Variants in RPL28 observed in about 807,000 individuals in gnomAD.
The protein encoded by RPL28 is ribosomal protein L28, also known as large ribosomal subunit protein eL28.
A neutral mutation model predicts 12.5 loss-of-function variants in RPL28; 4 were observed. The observed-to-expected ratio is 0.32, with a 90% confidence interval of 0.16 to 0.73. RPL28 has a LOEUF of 0.73. Ranked by LOEUF, RPL28 falls within the 30% of genes least tolerant of loss-of-function variation. The pLI is 0.66. For synonymous variants in RPL28, 91 were observed against 72.5 expected (o/e 1.26, Z -1.30); for missense variants, 214 against 197.7 (o/e 1.08, Z -0.49).
intron 4 of RPL28, chr19:55,401,401 G>C: frequency 6.9e-7 from 1 of 1,456,918 alleles, no homozygotes; most frequent in Admixed American, 1.8e-5. Flanking sequence ...GGACAGGAGA[G>C]GTTGGGGTCA....
chr19:55,389,921 G>T lies in RPL28; in HGVS notation c.*1589G>T. 2 of 985,458 alleles carry T rather than the reference G, an allele frequency of 2.0e-6. No individual in the cohort carries two copies. The highest frequency in any genetic ancestry group is 2.4e-6 in the Non-Finnish European group (2 of 829,996). 61.0% of individuals were successfully genotyped at this position (985,458 alleles called of 1,614,324 possible). On this transcript the variant is annotated 3_prime_UTR_variant, in exon 5 of 5. Transcript: ENST00000344063. The stretch of plus-strand genomic sequence containing the variant: ...CCCCCACTGTCCCAGTCCCACTCAG[G>T]CCCATCTCTGGCTGGCCTCACTGCG...
intron 3 of RPL28, 129 bp from the exon 4 acceptor site, chr19:55,387,801 G>A (rs1231053165): frequency 2.7e-5 from 39 of 1,466,744 alleles, no homozygotes; most frequent in Non-Finnish European, 3.3e-5. Flanking sequence ...CTACCTGCTG[G>A]CCTGCCCAGG....
In RPL28 at chr19:55,387,996, G is replaced by A. The variant is rs748790526; in HGVS notation, c.272G>A (p.Ser91Asn). 7 of 1,612,620 alleles carry A rather than the reference G, an allele frequency of 4.3e-6. No homozygotes were observed. In the South Asian group the frequency reaches 7.7e-5, roughly 18 times the overall value. Residue 91 changes from serine (S) to asparagine (N), a missense_variant, in exon 4 of 5, where the codon AGC becomes AAC. Transcript: ENST00000344063. ...TINKNARATL[S>N]SIRHMIRKNK... Reference sequence around the variant, plus strand: ...AACAAGAATGCTCGCGCCACGCTCAGCAGCATCAGACACATGATCCGCAAG... The same window carrying A: ...AACAAGAATGCTCGCGCCACGCTCAACAGCATCAGACACATGATCCGCAAG...
At position 55,390,707 on chromosome 19, in the gene RPL28, CTG is replaced by C; in HGVS notation, c.*2380_*2381del. 2.0e-6 allele frequency: 2 copies of C among 985,458 alleles called. No individual in the cohort carries two copies. Among genetic ancestry groups the C allele is most frequent in the Non-Finnish European group, 2.4e-6 (2 of 829,954 alleles). The allele number at this position is 985,458 out of a possible 1,614,324, so 61.0% of individuals were successfully genotyped here. ...CTGTTCCTGCGGGTGGCCAGCCTGTCTGTGTGGCTGGGCTGGGGAGGCCACGT... is the reference window on the plus strand; with the variant it reads ...CTGTTCCTGCGGGTGGCCAGCCTGTCTGTGGCTGGGCTGGGGAGGCCACGT... On this transcript the variant is annotated 3_prime_UTR_variant, in exon 5 of 5. Coordinates refer to ENST00000344063, the MANE Select transcript of RPL28 (RefSeq NM_000991.5).
chr19:55,402,911 T>C lies in RPL28; in HGVS notation c.325-32T>C, dbSNP rs902049616. On this transcript the variant is annotated intron_variant, in intron 4 of 4. Transcript: ENST00000560055. ...CTCTGCCATGTGCCCCAGGGACTCA[T>C]TAGAAATTTGGTTAACTTTTTTTTT... is the stretch of plus-strand genomic sequence containing the variant. The C allele has an allele frequency of 5.9e-6, 9 of 1,520,810 alleles. No homozygotes were observed. The Admixed American group carries it at 1.8e-4, about 31-fold the overall frequency. The allele number at this position is 1,520,810 out of a possible 1,614,324, so 94.2% of individuals were successfully genotyped here.
intron 3 of RPL28, chr19:55,387,344 A>T (rs1774769753): frequency 1.3e-6 from 2 of 1,551,668 alleles, no homozygotes; most frequent in Non-Finnish European, 8.7e-7. Flanking sequence ...CCTTTTACTC[A>T]GTGGCAGCAA....
chr19:55,393,131 G>T (rs943160799), downstream of RPL28, among the ~76,000 whole-genome samples: 1 of 141,586 alleles, frequency 7.1e-6, no homozygotes, highest in Non-Finnish European at 1.6e-5. Context: ...AGCTCCCACC[G>T]GCCTCCCACA....
chr19:55,387,577 C>T, intron 3 of RPL28: 1 of 1,417,992 alleles, frequency 7.1e-7, no homozygotes, highest in Non-Finnish European at 9.2e-7. Context: ...TGGGGATGGG[C>T]CTGGGGTTCC....
At chr19:55,392,186 C>G (rs1368097341), downstream of RPL28, 1 of 875,826 alleles carries the variant, frequency 1.1e-6, no homozygotes, top group Admixed American at 6.1e-5. Context: ...AAGTTAGCCA[C>G]CTGTGCTTCT....
At position 55,387,920 on chromosome 19, in the gene RPL28, C is replaced by T. The variant is rs1421343312; in HGVS notation, c.206-10C>T. 1.9e-6 allele frequency: 3 copies of T among 1,558,428 alleles called. No individual in the cohort carries two copies. Among genetic ancestry groups the T allele is most frequent in the East Asian group, 2.3e-5 (1 of 44,092 alleles). On this transcript the variant is annotated splice_polypyrimidine_tract_variant and intron_variant, in intron 3 of 4. Coordinates refer to ENST00000344063, the MANE Select transcript of RPL28 (RefSeq NM_000991.5). The stretch of plus-strand genomic sequence containing the variant: ...GGACTGACCCCAGGACCTCCCTGAC[C>T]CCCAACCAGGCCAGCGGAAGCCTGC...
At chr19:55,397,504 T>C (rs910453259) in intron 4 of RPL28, among the ~76,000 whole-genome samples, 12 of 152,112 alleles carry the variant, frequency 7.9e-5, no homozygotes, top group Non-Finnish European at 1.2e-4. Context: ...CTCAGCCTCC[T>C]GAGTAGCTGG....
chr19:55,386,739 T>A (rs1033597814), intron 3 of RPL28, 46 bp downstream of exon 3: 1 of 1,611,274 alleles, frequency 6.2e-7, no homozygotes, highest in Non-Finnish European at 8.5e-7. Flanking sequence ...CTTTCCCGGG[T>A]CTGGGAGCTG....
intron 4 of RPL28, chr19:55,400,103 TTAG>T (rs1248617978): frequency 6.6e-6 from 1 of 152,240 alleles, no homozygotes; most frequent in African/African-American, 2.4e-5. Context: ...AGCTGTTTTA[TTAG>T]AATAGGCAAA....
rs368617558 is a variant in RPL28 at position 55,388,224 on chromosome 19, T to C, written c.325-19T>C. 2.1e-4 allele frequency: 312 copies of C among 1,520,150 alleles called. No individual in the cohort carries two copies. Among genetic ancestry groups the C allele is most frequent in the Admixed American group, 3.9e-4 (17 of 43,766 alleles). The allele number at this position is 1,520,150 out of a possible 1,614,324, so 94.2% of individuals were successfully genotyped here. ...GTGGAGTGTATGGGCTGAGCCTTGC[T>C]CTGCTCCCCCGCCCCCAGGCAGCCA... On this transcript the variant is annotated intron_variant, in intron 4 of 4. Transcript: ENST00000344063.
intron 4 of RPL28, chr19:55,402,872 C>T: frequency 2.2e-6 from 3 of 1,336,780 alleles, no homozygotes; most frequent in Middle Eastern, 2.2e-4. Flanking sequence ...CAGGAAACCC[C>T]AATTCCCCAC....
chr19:55,386,277 G>A, intron 1 of RPL28, 73 bp from the exon 2 acceptor site: 2 of 1,412,392 alleles, frequency 1.4e-6, no homozygotes, highest in Non-Finnish European at 9.8e-7. Context: ...TCTGCTGTCC[G>A]AGCGTGGCCC....
rs754316708 is a variant in RPL28 at position 55,386,675 on chromosome 19, G to C, written c.187G>C (p.Val63Leu). Residue 63 changes from valine (V) to leucine (L), a missense_variant, in exon 3 of 5, where the codon GTC becomes CTC. By Grantham distance (32) the Val-to-Leu change is conservative. Transcript: ENST00000344063. ...PAADGKGVVV[V>L]IKRRSGQRKP... Reference sequence around the variant, plus strand: ...AGCCGACGGCAAAGGTGTCGTGGTGGTCATTAAGCGGAGATCCGGTGAGTT... The same window carrying C: ...AGCCGACGGCAAAGGTGTCGTGGTGCTCATTAAGCGGAGATCCGGTGAGTT... The C allele has an allele frequency of 2.2e-5, 35 of 1,614,184 alleles. 1 individual carries two copies. In the South Asian group the frequency reaches 3.6e-4, roughly 17 times the overall value.
At chr19:55,401,084 A>T in intron 4 of RPL28, 1 of 289,788 alleles carries the variant, frequency 3.5e-6, no homozygotes, top group Non-Finnish European at 6.5e-6. Context: ...CTGACTCCAA[A>T]GAGGGGTTGT....
At chr19:55,394,193 C>T (rs139701212), downstream of RPL28, among the ~76,000 whole-genome samples, 1,889 of 152,198 alleles carry the variant, frequency 0.012, 56 homozygotes, top group African/African-American at 0.042. Flanking sequence ...ATCCAGGAGG[C>T]GGAGGTAGCA....
Sources: gnomAD v4.1 joint callset for allele counts (sites outside exome capture counted in the v4.1 genomes callset) on GRCh38, gnomAD v4.1.1 for gene constraint, MANE v1.5 for transcripts, NCBI Gene and HGNC (gene_info 2026-07-23, HGNC 2026-07-21) for gene names.